THSD1: variants seen among roughly 807,000 people sequenced by gnomAD.
THSD1 encodes thrombospondin type 1 domain containing 1, also known as thrombospondin type-1 domain-containing protein 1.
In THSD1, 34 loss-of-function variants were observed where a neutral mutation model predicts 46.3. The ratio of observed to expected loss-of-function variants is 0.74; its 90% CI spans 0.56 to 0.98. THSD1 has a LOEUF of 0.98. THSD1 is among the 50% of genes least tolerant of loss of function. The pLI, the probability that THSD1 is intolerant of heterozygous loss-of-function variation, is 0.00. For missense variants in THSD1, 1,023 were observed against 1,058.3 expected, an observed-to-expected ratio of 0.97 and a Z score of 0.46; for synonymous variants, 407 against 416.5, an observed-to-expected ratio of 0.98 and a Z score of 0.28.
At chr13:52,402,848 C>T (rs1957875582) in intron 1 of THSD1, 167 bp from the exon 2 acceptor site, 1 of 980,860 alleles carries the variant, frequency 1.0e-6, no homozygotes, top group Non-Finnish European at 1.2e-6. Flanking sequence ...ATTATACAAG[C>T]CTTTTTCATT....
Position 52,378,599 on chromosome 13 carries a change from G to C in THSD1, c.1371C>G (p.Pro457=), listed in dbSNP as rs1464733130. 2 of 1,614,024 alleles carry C rather than the reference G, an allele frequency of 1.2e-6. No homozygotes were observed. The highest frequency in any genetic ancestry group is 3.3e-5 in the Admixed American group (2 of 59,992). ...TPARHNSIHS[P]SFRKNSDEEN... ...CCTCGTCCGAGTTCTTCCGGAAGCTGGGGGAGTGGATGGAGTTGTGTCGAG... is the reference window on the plus strand; with the variant it reads ...CCTCGTCCGAGTTCTTCCGGAAGCTCGGGGAGTGGATGGAGTTGTGTCGAG... The change falls in exon 5 of 5, where the codon CCC becomes CCG. Residue 457 remains proline (P), a synonymous_variant. Transcript: ENST00000258613.
Position 52,397,929 on chromosome 13 carries a change from T to C in THSD1, c.324A>G (p.Thr108=), listed in dbSNP as rs1263119429. The C allele has an allele frequency of 1.9e-6, 3 of 1,614,272 alleles. No individual in the cohort carries two copies. Among genetic ancestry groups the C allele is most frequent in the Admixed American group, 3.3e-5 (2 of 60,036 alleles). Residue 108 remains threonine (T), a synonymous_variant, in exon 3 of 5, where the codon ACA becomes ACG. Transcript: ENST00000258613. ...DYWFTMTPEA[T]DNSTPFPWWE... ...ACCAGGGGAATGGAGTGCTGTTGTC[T>C]GTTGCTTCTGGAGTCATTGTGAACC...
chr13:52,378,720 A>C lies in THSD1; in HGVS notation c.1250T>G (p.Val417Gly), dbSNP rs772333511. ...GPVKSNNIVT[V>G]TGISLCLFII... ...GAACAAGCACAAGGATATACCAGTG[A>C]CAGTCACGATGTTGTTGGACTTCAC... The change falls in exon 5 of 5, where the codon GTC becomes GGC. Residue 417 changes from valine to glycine, a missense_variant. Val to Gly is a moderately radical substitution (Grantham distance 109). Transcript: ENST00000258613. The C allele has an allele frequency of 1.6e-5, 26 of 1,613,810 alleles. No individual in the cohort carries two copies. Among genetic ancestry groups the C allele is most frequent in the South Asian group, 8.8e-5 (8 of 91,090 alleles).
At chr13:52,399,938 G>T in intron 2 of THSD1, 1 of 158,088 alleles carries the variant, frequency 6.3e-6, no homozygotes, top group South Asian at 1.7e-4. Flanking sequence ...GGGGCAGGAT[G>T]GTTCTGTGGT....
chr13:52,389,976 C>A (rs113272641), intron 3 of THSD1, among the ~76,000 whole-genome samples: 1 of 151,908 alleles, frequency 6.6e-6, no homozygotes, highest in African/African-American at 2.4e-5. Flanking sequence ...CCCATCTCTA[C>A]AAAAAATGCA....
intron 3 of THSD1, among the ~76,000 whole-genome samples, chr13:52,396,304 A>T (rs1276411935): frequency 3.3e-5 from 5 of 152,254 alleles, no homozygotes; most frequent in Non-Finnish European, 7.4e-5. Context: ...CATGTGGATC[A>T]CAAGGTCAGG....
chr13:52,396,391 G>A (rs1196855462), intron 3 of THSD1, among the ~76,000 whole-genome samples: 1 of 152,050 alleles, frequency 6.6e-6, no homozygotes, highest in African/African-American at 2.4e-5. Context: ...GCATGGTGGT[G>A]GGCGCCTGTA....
intron 1 of THSD1, among the ~76,000 whole-genome samples, chr13:52,404,873 C>T (rs1288450417): frequency 1.3e-5 from 2 of 152,090 alleles, no homozygotes; most frequent in East Asian, 3.9e-4. Context: ...ATCGGTAAAA[C>T]ATAGAATGGT....
rs571542037 is a variant in THSD1 at position 52,391,048 on chromosome 13, C to T, written c.1022-4862G>A. ...CACCTGAGAATGCATCTGCCCTACA[C>T]GTTTTCTTTATGTTTTGTAGTGCTT... is the stretch of plus-strand genomic sequence containing the variant. On this transcript the variant is annotated intron_variant, in intron 3 of 4. Coordinates refer to ENST00000258613, the MANE Select transcript of THSD1 (RefSeq NM_018676.4). 7.2e-5 allele frequency among the ~76,000 whole-genome samples: 11 copies of T among 152,234 alleles called. No homozygotes were observed. The South Asian group carries it at 1.5e-3, about 20-fold the overall frequency.
At chr13:52,380,143 T>A (rs1957680927) in intron 4 of THSD1, among the ~76,000 whole-genome samples, 3 of 152,118 alleles carry the variant, frequency 2.0e-5, no homozygotes, top group Admixed American at 2.0e-4. Context: ...GTCATCAAAA[T>A]GTTTCATCAA....
At chr13:52,395,668 G>A (rs1957805222) in intron 3 of THSD1, among the ~76,000 whole-genome samples, 1 of 152,154 alleles carries the variant, frequency 6.6e-6, no homozygotes, top group Admixed American at 6.5e-5. Flanking sequence ...GGGCCAAGGA[G>A]ACTGTGAAGA....
chr13:52,398,952 T>G (rs913345514), intron 2 of THSD1, among the ~76,000 whole-genome samples: 4 of 152,232 alleles, frequency 2.6e-5, no homozygotes, highest in African/African-American at 9.6e-5. Context: ...TTTACTGATA[T>G]TCAAGACAAG....
At chr13:52,388,261 G>A (rs1957748539) in intron 3 of THSD1, among the ~76,000 whole-genome samples, 1 of 151,726 alleles carries the variant, frequency 6.6e-6, no homozygotes, top group Non-Finnish European at 1.5e-5. Context: ...CAAAAATGGA[G>A]ATCATGCATG....
chr13:52,389,747 C>T (rs1479082370), intron 3 of THSD1, among the ~76,000 whole-genome samples: 2 of 152,076 alleles, frequency 1.3e-5, no homozygotes, highest in Non-Finnish European at 2.9e-5. Context: ...AAAATACACA[C>T]AAAACTCTCC....
intron 4 of THSD1, among the ~76,000 whole-genome samples, chr13:52,385,341 T>C (rs1037245454): frequency 6.6e-6 from 1 of 152,158 alleles, no homozygotes; most frequent in Non-Finnish European, 1.5e-5. Context: ...GTGTAACTCA[T>C]GGTAAATGAA....
In THSD1 at chr13:52,378,304, G is replaced by A; in HGVS notation, c.1666C>T (p.Gln556Ter). ...ATGGCAGTGTCTGTCAGGGGACTCT[G>A]AGACACGTGATACACTTTGGTAGTT... The part of the protein sequence containing the change: ...TETTKVYHVS[Q>*]SPLTDTAIDA... The change falls in exon 5 of 5, where the codon CAG becomes TAG. Residue 556 changes from glutamine (Q) to a stop codon, truncating the protein, a stop_gained. Transcript: ENST00000258613. LOFTEE classifies it low-confidence loss of function (END_TRUNC). 1 of 1,614,228 alleles carries A rather than the reference G, an allele frequency of 6.2e-7. No individual in the cohort carries two copies. Among genetic ancestry groups the A allele is most frequent in the Non-Finnish European group, 8.5e-7 (1 of 1,180,052 alleles).
chr13:52,378,864 T>TC, intron 4 of THSD1, 75 bp from the exon 5 acceptor site: 1 of 223,862 alleles, frequency 4.5e-6, no homozygotes. Context: ...TTTTCTTTTC[T>TC]TTTTTTTTTT....
chr13:52,385,482 A>G (rs988684433), intron 4 of THSD1, among the ~76,000 whole-genome samples: 1 of 152,198 alleles, frequency 6.6e-6, no homozygotes, highest in African/African-American at 2.4e-5. Context: ...AAGATACAGG[A>G]AAGGCCAGTC....
chr13:52,383,383 A>G (rs1208910137), intron 4 of THSD1, among the ~76,000 whole-genome samples: 1 of 152,240 alleles, frequency 6.6e-6, no homozygotes, highest in East Asian at 1.9e-4. Flanking sequence ...ATAATGTAGA[A>G]CTACATTCAG....
Sources: allele counts gnomAD v4.1 joint callset (sites outside exome capture counted in the v4.1 genomes callset), GRCh38; gene constraint gnomAD v4.1.1; transcripts MANE v1.5; gene names NCBI Gene and HGNC (gene_info 2026-07-23, HGNC 2026-07-21).